MECOM: variants seen among roughly 807,000 people sequenced by gnomAD.
MECOM encodes MDS1 and EVI1 complex locus, also known as histone-lysine N-methyltransferase MECOM.
Under a neutral mutation model 116.3 loss-of-function variants are expected in MECOM, and 13 were observed. The ratio of observed to expected loss-of-function variants is 0.11; its 90% CI spans 0.07 to 0.18. MECOM has a LOEUF of 0.18. MECOM is among the 10% of genes least tolerant of loss of function. The pLI is 1.00. For synonymous variants in MECOM, 528 were observed against 535.2 expected, an observed-to-expected ratio of 0.99 and a Z score of 0.19; for missense variants, 1,299 against 1,509.0, an observed-to-expected ratio of 0.86 and a Z score of 2.31.
chr3:169,113,630 A>G lies in MECOM; in HGVS notation c.2490-756T>C, dbSNP rs114333783. On this transcript the variant is annotated intron_variant, in intron 8 of 16. Coordinates refer to ENST00000651503, the MANE Select transcript of MECOM (RefSeq NM_004991.4). The stretch of plus-strand genomic sequence containing the variant: ...AGAAATGTTTGCCATTCTATTTTGT[A>G]TTAAGCACATAGGGAAATAATATCC... 7.1e-3 allele frequency among the ~76,000 whole-genome samples: 1,079 copies of G among 151,990 alleles called. 10 individuals are homozygous for G. The highest frequency in any genetic ancestry group is 0.025 in the African/African-American group (1,035 of 41,504).
chr3:169,434,941 A>C (rs1412394533), intron 1 of MECOM, among the ~76,000 whole-genome samples: 1 of 152,188 alleles, frequency 6.6e-6, no homozygotes, highest in Non-Finnish European at 1.5e-5. Context: ...TCTTGGTCCT[A>C]ACTAGGCTAT....
chr3:169,087,992 A>G (rs995265393), intron 16 of MECOM, among the ~76,000 whole-genome samples: 1 of 152,224 alleles, frequency 6.6e-6, no homozygotes, highest in Non-Finnish European at 1.5e-5. Context: ...TAAATTGAAT[A>G]TTATTTAATG....
At chr3:169,513,317 G>C (rs1756216336) in intron 1 of MECOM, among the ~76,000 whole-genome samples, 1 of 152,260 alleles carries the variant, frequency 6.6e-6, no homozygotes, top group East Asian at 1.9e-4. Flanking sequence ...CATCAAGTGT[G>C]ATGTGGAGCT....
intron 1 of MECOM, among the ~76,000 whole-genome samples, chr3:169,566,272 T>C (rs1278212265): frequency 6.6e-6 from 1 of 152,086 alleles, no homozygotes; most frequent in Admixed American, 6.5e-5. Flanking sequence ...GGAAGAGTTT[T>C]AAGAGACTAA....
At chr3:169,647,807 A>G (rs1393069962) in intron 1 of MECOM, among the ~76,000 whole-genome samples, 1 of 152,144 alleles carries the variant, frequency 6.6e-6, no homozygotes, top group Non-Finnish European at 1.5e-5. Flanking sequence ...AGAGGTAGTT[A>G]TTGTTCCTCT....
At chr3:169,605,508 C>G (rs369763506) in intron 1 of MECOM, among the ~76,000 whole-genome samples, 24 of 152,168 alleles carry the variant, frequency 1.6e-4, no homozygotes, top group African/African-American at 5.6e-4. Context: ...ACCCTGTTAG[C>G]CCTGTGTGCT....
At chr3:169,417,427 A>G in intron 1 of MECOM, among the ~76,000 whole-genome samples, 1 of 152,236 alleles carries the variant, frequency 6.6e-6, no homozygotes, top group Non-Finnish European at 1.5e-5. Flanking sequence ...CACACCACTT[A>G]GAATGGCAAT....
intron 2 of MECOM, among the ~76,000 whole-genome samples, chr3:169,288,471 A>G (rs1404386071): frequency 6.6e-6 from 1 of 152,204 alleles, no homozygotes; most frequent in Non-Finnish European, 1.5e-5. Context: ...TTTGAATATA[A>G]CATTGAAAAG....
chr3:169,525,749 C>G (rs1205196291), intron 1 of MECOM, among the ~76,000 whole-genome samples: 1 of 152,196 alleles, frequency 6.6e-6, no homozygotes, highest in Non-Finnish European at 1.5e-5. Flanking sequence ...CTGGATGCAG[C>G]CGGGCGTGAT....
chr3:169,659,161 T>C (rs988597519), intron 1 of MECOM, among the ~76,000 whole-genome samples: 7 of 150,878 alleles, frequency 4.6e-5, no homozygotes, highest in Non-Finnish European at 2.9e-5. Flanking sequence ...ACATGTTGAA[T>C]GTCTGTCCCT....
At chr3:169,193,505 A>C (rs1747994542) in intron 2 of MECOM, among the ~76,000 whole-genome samples, 1 of 151,926 alleles carries the variant, frequency 6.6e-6, no homozygotes, top group Non-Finnish European at 1.5e-5. Flanking sequence ...CTATCCCAAA[A>C]TATCTTACAG....
In MECOM at chr3:169,634,221, T is replaced by C. The variant is rs545870689; in HGVS notation, c.37+29115A>G. 4.7e-5 allele frequency among the ~76,000 whole-genome samples: 7 copies of C among 147,694 alleles called. No individual in the cohort carries two copies. In the South Asian group the frequency reaches 1.6e-3, roughly 33 times the overall value. On this transcript the variant is annotated intron_variant, in intron 1 of 16. Coordinates refer to ENST00000651503, the MANE Select transcript of MECOM (RefSeq NM_004991.4). ...CAAGTCTCCAGAACACACATGGGTATGCACAAACATGTGTGCACAAACACA... is the reference window on the plus strand; with the variant it reads ...CAAGTCTCCAGAACACACATGGGTACGCACAAACATGTGTGCACAAACACA...
chr3:169,136,159 A>T (rs1342971216), intron 3 of MECOM, among the ~76,000 whole-genome samples: 2 of 151,810 alleles, frequency 1.3e-5, no homozygotes, highest in Non-Finnish European at 2.9e-5. Context: ...TATAAAAGAC[A>T]GTGGTGATAT....
At chr3:169,138,376 C>A (rs1399133681) in intron 3 of MECOM, among the ~76,000 whole-genome samples, 1 of 152,082 alleles carries the variant, frequency 6.6e-6, no homozygotes, top group Non-Finnish European at 1.5e-5. Context: ...ATGAAGGAAA[C>A]TTCACTGGGG....
chr3:169,155,333 CT>C (rs1741789957), intron 2 of MECOM, among the ~76,000 whole-genome samples: 1 of 152,134 alleles, frequency 6.6e-6, no homozygotes, highest in South Asian at 2.1e-4. Flanking sequence ...TACCATCTCT[CT>C]CCTTTCTCTG....
At position 169,445,984 on chromosome 3, in the gene MECOM, C is replaced by T. The variant is rs564945382; in HGVS notation, c.38-64460G>A. 3.9e-5 allele frequency among the ~76,000 whole-genome samples: 6 copies of T among 152,280 alleles called. 1 individual carries two copies. In the South Asian group the frequency reaches 1.2e-3, roughly 32 times the overall value. On this transcript the variant is annotated intron_variant, in intron 1 of 16. Transcript: ENST00000651503. ...TGGCTGTATTTACCTAATACCTGTA[C>T]CCCCATTGTAGCTAGGAAGCAACTA...
At chr3:169,272,577 A>G (rs1314715565) in intron 2 of MECOM, among the ~76,000 whole-genome samples, 1 of 152,162 alleles carries the variant, frequency 6.6e-6, no homozygotes, top group Admixed American at 6.5e-5. Flanking sequence ...AATCTTTAAA[A>G]CGTTTTCTGA....
chr3:169,263,857 G>A (rs926865559), intron 2 of MECOM, among the ~76,000 whole-genome samples: 2 of 151,356 alleles, frequency 1.3e-5, no homozygotes, highest in African/African-American at 4.9e-5. Flanking sequence ...ATTACTTCTG[G>A]TTTATTTTAA....
At chr3:169,349,898 C>A (rs1480801886) in intron 2 of MECOM, among the ~76,000 whole-genome samples, 2 of 151,692 alleles carry the variant, frequency 1.3e-5, no homozygotes, top group Non-Finnish European at 2.9e-5. Flanking sequence ...GAAATGCAAG[C>A]CCTGCCATTA....
Sources: gnomAD v4.1 joint callset for allele counts (sites outside exome capture counted in the v4.1 genomes callset) on GRCh38, gnomAD v4.1.1 for gene constraint, MANE v1.5 for transcripts, NCBI Gene and HGNC (gene_info 2026-07-23, HGNC 2026-07-21) for gene names.